Variants in ACER3 observed in about 807,000 individuals in gnomAD.
ACER3 encodes alkaline ceramidase 3, also known as alkCDase 3.
Under a neutral mutation model 48.9 loss-of-function variants are expected in ACER3, and 16 were observed. That is an observed-to-expected ratio of 0.33 (90% CI 0.22 to 0.50). The LOEUF (loss-of-function observed/expected upper bound fraction) is 0.50. Ranked by LOEUF, ACER3 falls within the 20% of genes least tolerant of loss-of-function variation. The pLI is 0.98. For synonymous variants in ACER3, 109 were observed against 107.8 expected, an observed-to-expected ratio of 1.01 and a Z score of -0.07; for missense variants, 227 against 326.0, an observed-to-expected ratio of 0.70 and a Z score of 2.34.
At chr11:77,011,332 G>A (rs1317028488) in intron 7 of ACER3, 1 of 985,468 alleles carries the variant, frequency 1.0e-6, no homozygotes, top group Non-Finnish European at 1.2e-6. Context: ...CCCCACAGAA[G>A]AGTATTGCTT....
chr11:76,861,227 G>A, intron 1 of ACER3, 148 bp downstream of exon 1: 1 of 688,500 alleles, frequency 1.5e-6, no homozygotes. Flanking sequence ...GGGCCAGCGG[G>A]AGGCTGAGAG....
At chr11:76,896,231 A>C (rs750639948) in intron 1 of ACER3, among the ~76,000 whole-genome samples, 1 of 152,192 alleles carries the variant, frequency 6.6e-6, no homozygotes, top group Non-Finnish European at 1.5e-5. Context: ...AATTCTTGAA[A>C]CATCTTTACA....
intron 1 of ACER3, chr11:76,868,223 T>C (rs1489783738): frequency 3.1e-6 from 4 of 1,289,644 alleles, no homozygotes; most frequent in Non-Finnish European, 4.0e-6. Context: ...GTGACATCCC[T>C]GTCATATGAA....
Position 77,023,361 on chromosome 11 carries a change from C to T in ACER3, c.*3034C>T, listed in dbSNP as rs1949500560. On this transcript the variant is annotated 3_prime_UTR_variant, in exon 11 of 11. Transcript: ENST00000532485. ...TTCAAAGAAAATTAAGAGACAAAAC[C>T]TTCAGGTACATAATGCATGAAAATC... is the stretch of plus-strand genomic sequence containing the variant. 2 of 387,752 alleles carry T rather than the reference C, an allele frequency of 5.2e-6. No individual in the cohort carries two copies. The highest frequency in any genetic ancestry group is 4.6e-6 in the Non-Finnish European group (1 of 219,140). 24.0% of individuals were successfully genotyped at this position (387,752 alleles called of 1,614,324 possible).
chr11:77,002,447 A>G (rs1183815137), intron 7 of ACER3, among the ~76,000 whole-genome samples: 2 of 152,176 alleles, frequency 1.3e-5, no homozygotes, highest in East Asian at 3.8e-4. Flanking sequence ...GTATCCTGGG[A>G]TAAACCTTAC....
intron 10 of ACER3, 59 bp from the exon 11 acceptor site, chr11:77,020,215 A>G: frequency 1.3e-6 from 2 of 1,559,878 alleles, no homozygotes; most frequent in African/African-American, 1.4e-5. Context: ...ATTCTTTTTC[A>G]GGGATAACAT....
intron 1 of ACER3, among the ~76,000 whole-genome samples, chr11:76,891,258 A>T (rs1000206793): frequency 1.0e-4 from 15 of 146,510 alleles, no homozygotes; most frequent in African/African-American, 3.5e-4. Context: ...ATATATATAT[A>T]ATATATATAT....
intron 3 of ACER3, among the ~76,000 whole-genome samples, chr11:76,959,530 T>A (rs1947929467): frequency 6.6e-6 from 1 of 152,124 alleles, no homozygotes; most frequent in Non-Finnish European, 1.5e-5. Context: ...TATAAGGTTT[T>A]TTTTTGCAAT....
At chr11:76,864,764 TA>T in intron 1 of ACER3, among the ~76,000 whole-genome samples, 1 of 151,842 alleles carries the variant, frequency 6.6e-6, no homozygotes, top group African/African-American at 2.4e-5. Context: ...CACGCCTGGC[TA>T]ATTTTTGTAT....
rs562647402 is a variant in ACER3 at position 76,932,582 on chromosome 11, G to T, written c.214+5915G>T. Among the ~76,000 whole-genome samples, 28 of 152,254 alleles carry T rather than the reference G, an allele frequency of 1.8e-4. No individual in the cohort carries two copies. The South Asian group carries it at 5.6e-3, about 30-fold the overall frequency. On this transcript the variant is annotated intron_variant, in intron 2 of 10. Transcript: ENST00000532485. ...AACAACAATAAGAACAAAAAGACCT[G>T]AGGGACTTCCAGTTGCCCTAGGATA...
intron 5 of ACER3, among the ~76,000 whole-genome samples, chr11:76,988,589 C>T (rs1027246372): frequency 6.6e-6 from 1 of 152,258 alleles, no homozygotes; most frequent in Admixed American, 6.5e-5. Flanking sequence ...AGGGAACCAC[C>T]CCCATGATCT....
intron 5 of ACER3, among the ~76,000 whole-genome samples, chr11:76,990,211 T>C (rs1384654752): frequency 6.6e-6 from 1 of 152,228 alleles, no homozygotes; most frequent in Admixed American, 6.5e-5. Context: ...AGATCTGCTT[T>C]GGGGATTGTC....
rs1405688152 is a variant in ACER3 at position 76,952,143 on chromosome 11, C to T, written c.215-6836C>T. ...AAAAAATATTATATATATATATACA[C>T]ACACACACACACACACACACACACA... On this transcript the variant is annotated intron_variant, in intron 2 of 10. Coordinates refer to ENST00000532485, the MANE Select transcript of ACER3 (RefSeq NM_018367.7). 5.5e-3 allele frequency among the ~76,000 whole-genome samples: 755 copies of T among 138,380 alleles called. 4 individuals are homozygous for T. Among genetic ancestry groups the T allele is most frequent in the African/African-American group, 0.017 (659 of 39,494 alleles). 90.8% of individuals were successfully genotyped at this position (138,380 alleles called of 152,430 possible). A position where few individuals can be genotyped will look rare whatever the true frequency, so the allele number is the denominator to read the frequency against.
At chr11:76,958,945 T>C (rs1190326678) in intron 2 of ACER3, 34 bp from the exon 3 acceptor site, 1 of 1,612,004 alleles carries the variant, frequency 6.2e-7, no homozygotes, top group Non-Finnish European at 8.5e-7. Context: ...ACAAAGAATT[T>C]CATGCTAATT....
intron 2 of ACER3, among the ~76,000 whole-genome samples, chr11:76,941,041 G>A (rs4553391): frequency 0.051 from 6,414 of 125,092 alleles, 157 homozygotes; most frequent in African/African-American, 0.097. Flanking sequence ...ACACACACAC[G>A]CACACACACA....
intron 1 of ACER3, among the ~76,000 whole-genome samples, chr11:76,892,718 C>G (rs1231091366): frequency 6.6e-6 from 1 of 152,052 alleles, no homozygotes; most frequent in Non-Finnish European, 1.5e-5. Flanking sequence ...ATTTTCTAGT[C>G]TAATTTTTGT....
chr11:76,986,340 G>T (rs631595), intron 5 of ACER3, among the ~76,000 whole-genome samples: 2 of 152,128 alleles, frequency 1.3e-5, no homozygotes, highest in African/African-American at 4.8e-5. Context: ...AATAATAGGG[G>T]TAAAAACTAC....
intron 2 of ACER3, among the ~76,000 whole-genome samples, chr11:76,956,542 G>T (rs981345549): frequency 6.6e-6 from 1 of 152,018 alleles, no homozygotes; most frequent in Admixed American, 6.6e-5. Context: ...GTGAGCAAAA[G>T]CAGGGAAAAA....
chr11:76,892,060 T>C (rs184612552), intron 1 of ACER3, among the ~76,000 whole-genome samples: 3 of 152,346 alleles, frequency 2.0e-5, no homozygotes, highest in Admixed American at 1.3e-4. Context: ...ATACAGCTTC[T>C]TGTTAAAGGG....
Sources: allele counts gnomAD v4.1 joint callset (sites outside exome capture counted in the v4.1 genomes callset), GRCh38; gene constraint gnomAD v4.1.1; transcripts MANE v1.5; gene names NCBI Gene and HGNC (gene_info 2026-07-23, HGNC 2026-07-21).